GLIS3: variants seen among roughly 807,000 people sequenced by gnomAD.
The protein encoded by GLIS3 is zinc finger protein GLIS3.
Under a neutral mutation model 78.6 loss-of-function variants are expected in GLIS3, and 53 were observed. That is an observed-to-expected ratio of 0.67 (90% CI 0.54 to 0.85). The LOEUF (loss-of-function observed/expected upper bound fraction) is 0.85. GLIS3 is among the 40% of genes least tolerant of loss of function. The pLI is 0.00. For missense variants in GLIS3, 1,703 were observed against 1,231.1 expected (o/e 1.38, Z -5.74); for synonymous variants, 684 against 509.9 (o/e 1.34, Z -4.60).
At chr9:4,212,110 C>G (rs1442676391) in intron 2 of GLIS3, among the ~76,000 whole-genome samples, 1 of 152,140 alleles carries the variant, frequency 6.6e-6, no homozygotes, top group Non-Finnish European at 1.5e-5. Context: ...GGTAAATTTA[C>G]CAAAAGTCAC....
At chr9:3,902,086 A>C (rs1025630194) in intron 6 of GLIS3, among the ~76,000 whole-genome samples, 3 of 152,232 alleles carry the variant, frequency 2.0e-5, no homozygotes, top group Non-Finnish European at 4.4e-5. Context: ...CTGGCATCAA[A>C]GACGGGCAAT....
At chr9:4,470,735 T>A in the GLIS3 span, among the ~76,000 whole-genome samples, 1 of 151,856 alleles carries the variant, frequency 6.6e-6, no homozygotes, top group Admixed American at 6.6e-5. Context: ...TTCAACATAG[T>A]GTTGGAAGTT....
chr9:4,248,417 C>A (rs1424681402), intron 2 of GLIS3, among the ~76,000 whole-genome samples: 1 of 152,170 alleles, frequency 6.6e-6, no homozygotes, highest in Non-Finnish European at 1.5e-5. Context: ...AGGACATGAA[C>A]TCAATTCTTT....
At chr9:3,946,530 T>C (rs1222980548) in intron 4 of GLIS3, among the ~76,000 whole-genome samples, 1 of 152,218 alleles carries the variant, frequency 6.6e-6, no homozygotes, top group Non-Finnish European at 1.5e-5. Context: ...TCATGTCCTA[T>C]AGAACTACTG....
chr9:4,025,464 C>T (rs765464879), intron 4 of GLIS3, among the ~76,000 whole-genome samples: 12 of 151,946 alleles, frequency 7.9e-5, no homozygotes, highest in South Asian at 2.1e-4. Context: ...CTTGGCTCAC[C>T]GCAACCTCCG....
At chr9:3,857,179 G>A (rs1819851360) in intron 8 of GLIS3, among the ~76,000 whole-genome samples, 1 of 152,188 alleles carries the variant, frequency 6.6e-6, no homozygotes, top group Non-Finnish European at 1.5e-5. Flanking sequence ...AAATGAAGCA[G>A]CAAATGAATT....
At chr9:4,270,603 T>G (rs1826413064) in intron 2 of GLIS3, among the ~76,000 whole-genome samples, 1 of 152,222 alleles carries the variant, frequency 6.6e-6, no homozygotes. Context: ...ACACAGGCCT[T>G]TCCAGCATGG....
chr9:3,959,193 G>A (rs1303264752), intron 4 of GLIS3, among the ~76,000 whole-genome samples: 2 of 152,182 alleles, frequency 1.3e-5, no homozygotes, highest in Non-Finnish European at 2.9e-5. Flanking sequence ...TCTTGAATGG[G>A]ATTAATGCCC....
chr9:4,065,556 T>G (rs763077629), intron 4 of GLIS3, among the ~76,000 whole-genome samples: 1 of 152,232 alleles, frequency 6.6e-6, no homozygotes, highest in Non-Finnish European at 1.5e-5. Flanking sequence ...ACAAATGTCA[T>G]GTTCTACCAA....
At chr9:4,057,323 T>C (rs915632001) in intron 4 of GLIS3, among the ~76,000 whole-genome samples, 1 of 152,136 alleles carries the variant, frequency 6.6e-6, no homozygotes, top group Non-Finnish European at 1.5e-5. Flanking sequence ...TTGCACTGGG[T>C]CCTGACAATT....
intron 9 of GLIS3, among the ~76,000 whole-genome samples, chr9:3,847,878 G>T (rs10973775): frequency 2.0e-5 from 3 of 152,000 alleles, no homozygotes; most frequent in Non-Finnish European, 2.9e-5. Flanking sequence ...ATCAATCCCT[G>T]GTACTGTGTA....
the GLIS3 span, among the ~76,000 whole-genome samples, chr9:4,457,657 C>G: frequency 6.6e-6 from 1 of 151,688 alleles, no homozygotes. Context: ...ACCATCCTGG[C>G]CAACATGGTG....
At chr9:4,405,206 T>A in the GLIS3 span, among the ~76,000 whole-genome samples, 1 of 151,786 alleles carries the variant, frequency 6.6e-6, no homozygotes, top group Non-Finnish European at 1.5e-5. Context: ...AATACAAAAT[T>A]AGCCAGGTTT....
chr9:3,897,054 A>G (rs1005762627), intron 7 of GLIS3, among the ~76,000 whole-genome samples: 1 of 152,206 alleles, frequency 6.6e-6, no homozygotes, highest in Non-Finnish European at 1.5e-5. Flanking sequence ...AACAGACACC[A>G]AGACAAATGT....
chr9:4,252,436 T>C (rs1587155953), intron 2 of GLIS3, among the ~76,000 whole-genome samples: 1 of 152,124 alleles, frequency 6.6e-6, no homozygotes, highest in East Asian at 1.9e-4. Context: ...GAAGTCCTTG[T>C]GCTGTTTTTC....
chr9:4,047,601 C>G (rs953350528), intron 4 of GLIS3, among the ~76,000 whole-genome samples: 1 of 152,092 alleles, frequency 6.6e-6, no homozygotes, highest in Non-Finnish European at 1.5e-5. Flanking sequence ...ATGCTGGGAG[C>G]TAGAGATGCA....
intron 4 of GLIS3, among the ~76,000 whole-genome samples, chr9:4,049,189 G>C (rs1825502199): frequency 6.6e-6 from 1 of 152,094 alleles, no homozygotes; most frequent in African/African-American, 2.4e-5. Context: ...AGAAGTCTAG[G>C]ATACAGAGAG....
chr9:4,075,665 TG>T (rs113151201), intron 4 of GLIS3, among the ~76,000 whole-genome samples: 4,471 of 152,248 alleles, frequency 0.029, 208 homozygotes, highest in African/African-American at 0.1. Context: ...TTAGGATATT[TG>T]CAAAAGATTT....
intron 4 of GLIS3, among the ~76,000 whole-genome samples, chr9:4,032,894 C>G (rs371896937): frequency 0.15 from 22,911 of 151,638 alleles, 2,238 homozygotes; most frequent in African/African-American, 0.28. Context: ...CGCTCTGTCG[C>G]CCAGGCTGGA....
Sources: allele counts gnomAD v4.1 joint callset (sites outside exome capture counted in the v4.1 genomes callset), GRCh38; gene constraint gnomAD v4.1.1; transcripts MANE v1.5; gene names NCBI Gene and HGNC (gene_info 2026-07-23, HGNC 2026-07-21).